The following CCDC181 variants were observed in gnomAD, a reference collection of about 807,000 sequenced individuals.
The protein encoded by CCDC181 is coiled-coil domain containing 181, also known as coiled-coil domain-containing protein 181.
In CCDC181, 35 loss-of-function variants were observed where a neutral mutation model predicts 58.7. That is an observed-to-expected ratio of 0.60 (90% CI 0.46 to 0.79). The LOEUF is 0.79. Among genes scored for constraint, CCDC181 ranks in the 30% least tolerant of loss-of-function variants. CCDC181 has a pLI of 0.00. For synonymous variants in CCDC181, 183 were observed against 197.5 expected, an observed-to-expected ratio of 0.93 and a Z score of 0.62; for missense variants, 517 against 583.9, an observed-to-expected ratio of 0.89 and a Z score of 1.18.
intron 2 of CCDC181, among the ~76,000 whole-genome samples, chr1:169,457,965 C>T (rs934264170): frequency 2.0e-5 from 3 of 151,966 alleles, no homozygotes; most frequent in Non-Finnish European, 4.4e-5. Context: ...ATAGTTTGAA[C>T]AAATTGTATT....
intron 4 of CCDC181, among the ~76,000 whole-genome samples, chr1:169,397,915 A>G (rs1422453973): frequency 6.6e-6 from 1 of 152,198 alleles, no homozygotes; most frequent in Admixed American, 6.5e-5. Context: ...TTCATTTAAT[A>G]CTTCCCCCAA....
At chr1:169,452,175 C>A (rs1657560280) in intron 2 of CCDC181, among the ~76,000 whole-genome samples, 2 of 151,450 alleles carry the variant, frequency 1.3e-5, no homozygotes, top group South Asian at 4.2e-4. Flanking sequence ...GTTTAGCTGT[C>A]AGGAAGAAGA....
At chr1:169,437,070 T>C (rs766952481) in intron 2 of CCDC181, among the ~76,000 whole-genome samples, 5 of 152,138 alleles carry the variant, frequency 3.3e-5, no homozygotes, top group Non-Finnish European at 5.9e-5. Flanking sequence ...GATCAGAGTT[T>C]TTAAGGACAA....
intron 4 of CCDC181, among the ~76,000 whole-genome samples, chr1:169,398,348 CACAATGTGTACATGTA>C (rs1271220516): frequency 6.6e-6 from 1 of 152,120 alleles, no homozygotes; most frequent in Non-Finnish European, 1.5e-5. Flanking sequence ...ATGCTAATTA[CACAATGTGTACATGTA>C]TCAAAACATC....
chr1:169,433,765 A>G (rs1656980795), intron 2 of CCDC181, among the ~76,000 whole-genome samples: 2 of 152,024 alleles, frequency 1.3e-5, no homozygotes, highest in South Asian at 4.1e-4. Flanking sequence ...ACCTCGCACC[A>G]TATTCAAAAA....
intron 4 of CCDC181, among the ~76,000 whole-genome samples, chr1:169,402,123 A>T (rs1655388445): frequency 6.6e-6 from 1 of 152,206 alleles, no homozygotes; most frequent in African/African-American, 2.4e-5. Context: ...GTAAAAAGAA[A>T]TGAACAAAGC....
At position 169,434,956 on chromosome 1, in the gene CCDC181, G is replaced by A. The variant is rs776258767; in HGVS notation, c.-23-10006C>T. 1.2e-3 allele frequency among the ~76,000 whole-genome samples: 175 copies of A among 152,042 alleles called. 1 individual carries two copies. The highest frequency in any genetic ancestry group is 2.3e-3 in the Non-Finnish European group (157 of 67,934). ...GCCTGTTAAGGCAGGGGAAATGAGAGGTTATTGTTTAATGGGTACAAGGTG... is the reference window on the plus strand; with the variant it reads ...GCCTGTTAAGGCAGGGGAAATGAGAAGTTATTGTTTAATGGGTACAAGGTG... On this transcript the variant is annotated intron_variant, in intron 2 of 6. Coordinates refer to the CCDC181 transcript ENST00000545005.
chr1:169,445,305 C>A (rs994936334), intron 2 of CCDC181, among the ~76,000 whole-genome samples: 3 of 152,160 alleles, frequency 2.0e-5, no homozygotes. Flanking sequence ...AAAGTTTGAG[C>A]AAATTCCCCT....
chr1:169,421,419 G>A lies in CCDC181; in HGVS notation c.1012C>T (p.Arg338Ter), dbSNP rs751919148. The change falls in exon 3 of 6, where the codon CGA (arginine) becomes TGA (stop). Residue 338 changes from arginine (R) to a stop codon, truncating the protein, a stop_gained. Coordinates refer to ENST00000367806, the MANE Select transcript of CCDC181 (RefSeq NM_001300969.2). LOFTEE classifies it high-confidence loss of function. ...PVTSTYCLSPRQKELQKQLEE... is the reference protein window; with the variant it reads ...PVTSTYCLSP ...AGTTGTTTTTGTAGTTCTTTCTGTC[G>A]AGGGGAAAGACAGTATGTTGAAGTC... The A allele has an allele frequency of 1.1e-5, 17 of 1,613,082 alleles. No homozygotes were observed. The highest frequency in any genetic ancestry group is 1.7e-5 in the Admixed American group (1 of 59,894).
intron 4 of CCDC181, among the ~76,000 whole-genome samples, chr1:169,411,715 TG>T (rs1361543687): frequency 6.6e-6 from 1 of 152,198 alleles, no homozygotes; most frequent in African/African-American, 2.4e-5. Context: ...GATGCAAGGC[TG>T]GTTCAACATA....
intron 5 of CCDC181, chr1:169,396,168 C>A (rs554386991): frequency 2.6e-5 from 4 of 152,138 alleles, no homozygotes; most frequent in Non-Finnish European, 5.9e-5. Context: ...TTAACAGTCA[C>A]AATTTCTGGG....
chr1:169,418,815 T>C, intron 4 of CCDC181, 198 bp downstream of exon 4: 1 of 533,658 alleles, frequency 1.9e-6, no homozygotes, highest in Non-Finnish European at 3.3e-6. Flanking sequence ...CTGAACAAAA[T>C]AGGAATCATT....
At chr1:169,438,832 A>G (rs1400228495) in intron 2 of CCDC181, among the ~76,000 whole-genome samples, 1 of 152,216 alleles carries the variant, frequency 6.6e-6, no homozygotes. Context: ...CTGGACTTCC[A>G]TAAGCAATTT....
At chr1:169,412,261 A>C (rs1656005540) in intron 4 of CCDC181, among the ~76,000 whole-genome samples, 2 of 152,204 alleles carry the variant, frequency 1.3e-5, no homozygotes. Flanking sequence ...ATCATGAGTG[A>C]ATTCCCATTC....
chr1:169,428,317 C>T (rs1362347041), upstream of CCDC181, among the ~76,000 whole-genome samples: 1 of 151,620 alleles, frequency 6.6e-6, no homozygotes, highest in East Asian at 1.9e-4. Flanking sequence ...AAAGACGCTC[C>T]CAAAAAAGGT....
chr1:169,402,767 G>A (rs578117823), intron 4 of CCDC181, among the ~76,000 whole-genome samples: 1 of 152,236 alleles, frequency 6.6e-6, no homozygotes, highest in East Asian at 1.9e-4. Context: ...AAAATAACCA[G>A]CTAACATCAT....
At chr1:169,423,901 AT>A (rs1656604536) in intron 2 of CCDC181, among the ~76,000 whole-genome samples, 2 of 152,044 alleles carry the variant, frequency 1.3e-5, no homozygotes, top group Admixed American at 1.3e-4. Context: ...TGTGTATTCC[AT>A]TTGTCTTTTC....
chr1:169,421,308 T>C (rs1656441108), intron 3 of CCDC181, 55 bp downstream of exon 3: 8 of 1,329,800 alleles, frequency 6.0e-6, no homozygotes, highest in African/African-American at 1.5e-5. Flanking sequence ...CCATTGCATT[T>C]ATAAAACAGT....
chr1:169,440,470 A>C (rs2101747431), intron 2 of CCDC181, among the ~76,000 whole-genome samples: 1 of 152,370 alleles, frequency 6.6e-6, no homozygotes, highest in Admixed American at 6.5e-5. Flanking sequence ...TATCACTCAA[A>C]TCAGCCTCCC....
Sources: allele counts gnomAD v4.1 joint callset (sites outside exome capture counted in the v4.1 genomes callset), GRCh38; gene constraint gnomAD v4.1.1; transcripts MANE v1.5; gene names NCBI Gene and HGNC (gene_info 2026-07-23, HGNC 2026-07-21).